SRP14: variants seen among roughly 807,000 people sequenced by gnomAD.
SRP14 encodes signal recognition particle 14, also known as signal recognition particle 14 kDa protein.
A neutral mutation model predicts 16.0 loss-of-function variants in SRP14; 1 was observed. That is an observed-to-expected ratio of 0.06 (90% CI 0.02 to 0.30). The LOEUF is 0.30. Among genes scored for constraint, SRP14 ranks in the 10% least tolerant of loss-of-function variants. The pLI is 1.00. For missense variants in SRP14, 120 were observed against 163.1 expected, an observed-to-expected ratio of 0.74 and a Z score of 1.44; for synonymous variants, 67 against 60.1, an observed-to-expected ratio of 1.12 and a Z score of -0.53.
chr15:40,036,870 A>T, intron 4 of SRP14, 116 bp downstream of exon 4: 1 of 1,187,610 alleles, frequency 8.4e-7, no homozygotes, highest in Non-Finnish European at 1.2e-6. Flanking sequence ...CTTGAAACAT[A>T]CTGGTAAAAC....
At chr15:40,036,544 AC>A (rs777355994) in intron 4 of SRP14, 44 bp from the exon 5 acceptor site, 1 of 1,584,870 alleles carries the variant, frequency 6.3e-7, no homozygotes, top group South Asian at 1.1e-5. Flanking sequence ...AGATGTGCAA[AC>A]TGGCAGAACA....
At chr15:40,039,001 C>G in intron 1 of SRP14, 53 bp from the exon 2 acceptor site, 1 of 1,604,432 alleles carries the variant, frequency 6.2e-7, no homozygotes. Context: ...CTCGTCCTGC[C>G]GCGTCAAGGC....
At position 40,038,555 on chromosome 15, in the gene SRP14, G is replaced by A. The variant is rs146399437; in HGVS notation, c.98-161C>T. The A allele has an allele frequency of 6.5e-6, 4 of 620,138 alleles. No individual in the cohort carries two copies. In the Admixed American group the frequency reaches 1.2e-4, roughly 18 times the overall value. 38.4% of individuals were successfully genotyped at this position (620,138 alleles called of 1,614,324 possible). On this transcript the variant is annotated intron_variant, in intron 2 of 4. Transcript: ENST00000267884. ...TGCTATCACGGTCTGGCGAAACCCT[G>A]GAGAAACTATTATTTCCACGACGGA...
intron 4 of SRP14, chr15:40,036,710 T>C: frequency 3.0e-6 from 2 of 665,778 alleles, no homozygotes; most frequent in Non-Finnish European, 2.5e-6. Flanking sequence ...ACACATTTTT[T>C]ACGTTTTTTT....
Position 40,039,123 on chromosome 15 carries a change from G to T in SRP14, c.-7C>A. On this transcript the variant is annotated 5_prime_UTR_variant, in exon 1 of 5. Transcript: ENST00000267884. ...CGCTCTCCAACAACACCATCGCGGCGACGCTGGCTCGACTCCCTCCGCTTA... is the reference window on the plus strand; with the variant it reads ...CGCTCTCCAACAACACCATCGCGGCTACGCTGGCTCGACTCCCTCCGCTTA... 1 of 1,610,816 alleles carries T rather than the reference G, an allele frequency of 6.2e-7. No individual in the cohort carries two copies.
In SRP14 at chr15:40,039,135, A is replaced by C. The variant is rs775835266; in HGVS notation, c.-19T>G. 249 of 1,607,862 alleles carry C rather than the reference A, an allele frequency of 1.5e-4. 7 individuals are homozygous for C. In the South Asian group the frequency reaches 2.7e-3, roughly 17 times the overall value. ...ACACCATCGCGGCGACGCTGGCTCG[A>C]CTCCCTCCGCTTAAGCCCCTAGCAG... On this transcript the variant is annotated 5_prime_UTR_variant, in exon 1 of 5. Transcript: ENST00000267884.
intron 3 of SRP14, among the ~76,000 whole-genome samples, chr15:40,038,038 A>G (rs1383841091): frequency 6.6e-6 from 1 of 152,230 alleles, no homozygotes; most frequent in Non-Finnish European, 1.5e-5. Flanking sequence ...AGTACTACGA[A>G]TAAGGACCAA....
chr15:40,038,537 A>T (rs1462757279), intron 2 of SRP14, 143 bp from the exon 3 acceptor site: 1 of 641,470 alleles, frequency 1.6e-6, no homozygotes, highest in Non-Finnish European at 2.8e-6. Flanking sequence ...ATCTGCTATC[A>T]CGGTCTGGCG....
rs1177664231 is a variant in SRP14, at chr15:40,036,338, G to A, written c.406C>T (p.Gln136Ter). Reference protein sequence around the residue: ...TAATTAATAAQ With the variant: ...TAATTAATAA The stretch of plus-strand genomic sequence containing the variant: ...AAGCAGGAAATGTATGCCCTTTACT[G>A]TGCTGCTGTTGCTGCTGTTGTTGCT... The change falls in exon 5 of 5, where the codon CAG becomes TAG. Residue 136 changes from glutamine (Q) to a stop codon, truncating the protein, a stop_gained. Coordinates refer to ENST00000267884, the MANE Select transcript of SRP14 (RefSeq NM_003134.6). LOFTEE classifies it high-confidence loss of function. The A allele has an allele frequency of 6.2e-7, 1 of 1,613,536 alleles. No homozygotes were observed. The highest frequency in any genetic ancestry group is 8.5e-7 in the Non-Finnish European group (1 of 1,179,656).
intron 2 of SRP14, 87 bp from the exon 3 acceptor site, chr15:40,038,481 T>C: frequency 1.1e-6 from 1 of 915,872 alleles, no homozygotes; most frequent in East Asian, 2.4e-5. Flanking sequence ...GTGGGGTAAG[T>C]GATGACCTAA....
Position 40,036,156 on chromosome 15 carries a change from A to G in SRP14, c.*177T>C. 8.3e-7 allele frequency: 1 copy of G among 1,198,134 alleles called. No homozygotes were observed. The highest frequency in any genetic ancestry group is 2.4e-5 in the East Asian group (1 of 42,028). The allele number at this position is 1,198,134 out of a possible 1,614,324, so 74.2% of individuals were successfully genotyped here. On this transcript the variant is annotated 3_prime_UTR_variant, in exon 5 of 5. Coordinates refer to ENST00000267884, the MANE Select transcript of SRP14 (RefSeq NM_003134.6). ...AGCACAGACCAATTAGCCAAATGCA[A>G]AATAAACTAGATTCTTACCACAACT...
At chr15:40,037,278 G>GCAAAAAAAAAAAAAA in intron 3 of SRP14, 1 of 193,392 alleles carries the variant, frequency 5.2e-6, no homozygotes, top group Non-Finnish European at 6.7e-6. Context: ...CTCCTTTTGG[G>GCAAAAAAAAAAAAAA]GAAAAAAAAA....
intron 4 of SRP14, 25 bp from the exon 5 acceptor site, chr15:40,036,525 T>C (rs1055114107): frequency 2.5e-6 from 4 of 1,603,614 alleles, no homozygotes; most frequent in Non-Finnish European, 3.4e-6. Context: ...AGAGCATACC[T>C]TAGTGGGAAG....
Position 40,036,352 on chromosome 15 carries a change from G to A in SRP14, c.392C>T (p.Ala131Val). The change falls in exon 5 of 5, where the codon GCA becomes GTA. Residue 131 changes from alanine (A) to valine (V), a missense_variant. By Grantham distance (64) the Ala-to-Val change is moderately conservative (BLOSUM62 0). Around this residue, in one of 3 missense-constraint regions of SRP14, gnomAD observed 43 missense variants for 37.0 expected, o/e 1.16. Transcript: ENST00000267884. ...ATAPTTAATT[A>V]ATAAQ ...TGCCCTTTACTGTGCTGCTGTTGCT[G>A]CTGTTGTTGCTGCTGTTGTTGGTGC... The A allele has an allele frequency of 6.2e-7, 1 of 1,613,660 alleles. No individual in the cohort carries two copies. Among genetic ancestry groups the A allele is most frequent in the Non-Finnish European group, 8.5e-7 (1 of 1,179,756 alleles).
upstream of SRP14, chr15:40,039,184 G>A (rs961221173): frequency 2.8e-5 from 43 of 1,558,392 alleles, no homozygotes; most frequent in Non-Finnish European, 3.6e-5. Context: ...TTCGGCCTAG[G>A]CTGGGCGGGA....
rs1257061227 is a variant in SRP14 at position 40,035,718 on chromosome 15, A to G, written c.*615T>C. On this transcript the variant is annotated 3_prime_UTR_variant, in exon 5 of 5. Transcript: ENST00000267884. ...CATGAAAATATCCAAACCAAAGGGC[A>G]TAAAGAAACCAAAAATCATAATTAC... is the stretch of plus-strand genomic sequence containing the variant. 1.3e-5 allele frequency: 2 copies of G among 152,364 alleles called. No individual in the cohort carries two copies. Among genetic ancestry groups the G allele is most frequent in the Non-Finnish European group, 2.9e-5 (2 of 68,156 alleles). 9.4% of individuals were successfully genotyped at this position (152,364 alleles called of 1,614,324 possible).
chr15:40,038,091 ACTGT>A (rs1191164328), intron 3 of SRP14, among the ~76,000 whole-genome samples, 187 bp downstream of exon 3: 1 of 152,212 alleles, frequency 6.6e-6, no homozygotes, highest in Non-Finnish European at 1.5e-5. Context: ...AGAACTAACG[ACTGT>A]CTGACCTCTA....
At chr15:40,037,319 C>G (rs952209551) in intron 3 of SRP14, 1 of 1,130,418 alleles carries the variant, frequency 8.8e-7, no homozygotes, top group African/African-American at 1.7e-5. Context: ...CTCTTGAAAT[C>G]CCTTAGAAAG....
At chr15:40,038,755 T>C (rs2035671467) in intron 2 of SRP14, 121 bp downstream of exon 2, 5 of 1,064,384 alleles carry the variant, frequency 4.7e-6, no homozygotes, top group Non-Finnish European at 6.9e-6. Context: ...AAGCCCCGAA[T>C]GTGCTCAGTA....
Sources: allele counts gnomAD v4.1 joint callset (sites outside exome capture counted in the v4.1 genomes callset), GRCh38; gene constraint gnomAD v4.1.1; regional missense constraint gnomAD v4.1.1; transcripts MANE v1.5; gene names NCBI Gene and HGNC (gene_info 2026-07-23, HGNC 2026-07-21).